The following ADAMTSL1 variants were observed in gnomAD, a reference collection of about 807,000 sequenced individuals.
ADAMTSL1 encodes ADAMTS like 1, also known as ADAMTS-like protein 1.
ADAMTSL1 carries 126 observed loss-of-function variants against 201.8 expected under a neutral mutation model. The observed-to-expected ratio is 0.62, with a 90% confidence interval of 0.54 to 0.72. The LOEUF (loss-of-function observed/expected upper bound fraction) is 0.72. Among genes scored for constraint, ADAMTSL1 ranks in the 30% least tolerant of loss-of-function variants. ADAMTSL1 has a pLI of 0.00. For synonymous variants in ADAMTSL1, 1,121 were observed against 903.4 expected (o/e 1.24, Z -4.32); for missense variants, 2,679 against 2,277.8 (o/e 1.18, Z -3.59).
chr9:18,076,257 G>T (rs1392679644), intron 1 of ADAMTSL1, among the ~76,000 whole-genome samples: 1 of 152,146 alleles, frequency 6.6e-6, no homozygotes. Flanking sequence ...TGAAATTTAG[G>T]TCATTACCAT....
intron 7 of ADAMTSL1, among the ~76,000 whole-genome samples, chr9:18,652,782 TTGAGGAGC>T (rs1828378698): frequency 6.6e-6 from 1 of 152,182 alleles, no homozygotes; most frequent in Non-Finnish European, 1.5e-5. Context: ...CCATTGTAAG[TTGAGGAGC>T]ATCTGTAACC....
intron 7 of ADAMTSL1, among the ~76,000 whole-genome samples, chr9:18,652,031 A>G (rs1445399512): frequency 2.0e-5 from 3 of 152,252 alleles, no homozygotes; most frequent in East Asian, 3.9e-4. Flanking sequence ...AAGACTAGAT[A>G]GACAGTTTTG....
intron 5 of ADAMTSL1, among the ~76,000 whole-genome samples, chr9:18,633,829 A>G (rs1471469190): frequency 6.6e-6 from 1 of 152,144 alleles, no homozygotes; most frequent in Non-Finnish European, 1.5e-5. Flanking sequence ...TCTCCAGGGA[A>G]GGAATTGGGA....
chr9:18,635,890 A>G lies in ADAMTSL1; in HGVS notation c.602-53A>G, dbSNP rs1827079693. The G allele has an allele frequency of 2.7e-6, 4 of 1,503,514 alleles. No individual in the cohort carries two copies. In the African/African-American group the frequency reaches 4.2e-5, roughly 16 times the overall value. The allele number at this position is 1,503,514 out of a possible 1,614,324, so 93.1% of individuals were successfully genotyped here. ...AGTGCCTTTATTTAGAAGGCAATCAATAATTTTGTGTCAAGTGACATGCTT... is the reference window on the plus strand; with the variant it reads ...AGTGCCTTTATTTAGAAGGCAATCAGTAATTTTGTGTCAAGTGACATGCTT... On this transcript the variant is annotated intron_variant, in intron 5 of 28. Transcript: ENST00000380548.
intron 14 of ADAMTSL1, among the ~76,000 whole-genome samples, chr9:18,714,712 A>G (rs1832812180): frequency 6.6e-6 from 1 of 151,914 alleles, no homozygotes; most frequent in Non-Finnish European, 1.5e-5. Context: ...TATTCCAATC[A>G]ATAGAAAAAG....
chr9:18,448,786 C>T (rs1448310619), intron 2 of ADAMTSL1, among the ~76,000 whole-genome samples: 1 of 152,002 alleles, frequency 6.6e-6, no homozygotes, highest in African/African-American at 2.4e-5. Context: ...AAAAGTATGG[C>T]TGCCCAGGTA....
intron 1 of ADAMTSL1, among the ~76,000 whole-genome samples, chr9:18,146,087 T>A (rs980960002): frequency 2.6e-5 from 4 of 152,168 alleles, no homozygotes; most frequent in African/African-American, 9.6e-5. Flanking sequence ...TATTAATTGT[T>A]GAGAAGGATA....
chr9:18,187,724 A>G (rs1828800375), intron 2 of ADAMTSL1, among the ~76,000 whole-genome samples: 1 of 152,124 alleles, frequency 6.6e-6, no homozygotes, highest in Admixed American at 6.6e-5. Flanking sequence ...TACAATAAAT[A>G]TGTAATAAGA....
intron 1 of ADAMTSL1, among the ~76,000 whole-genome samples, chr9:18,071,772 G>A (rs749413844): frequency 3.0e-4 from 45 of 152,290 alleles, no homozygotes; most frequent in Non-Finnish European, 5.3e-4. Context: ...GAGTACAGCC[G>A]GTGAATTATT....
At chr9:17,914,697 A>T (rs1016921217) in intron 1 of ADAMTSL1, among the ~76,000 whole-genome samples, 5 of 151,836 alleles carry the variant, frequency 3.3e-5, no homozygotes, top group African/African-American at 9.7e-5. Context: ...GAAGGAAATA[A>T]ACGGTATTCA....
At chr9:18,568,077 C>T (rs1367367703) in intron 3 of ADAMTSL1, among the ~76,000 whole-genome samples, 5 of 152,126 alleles carry the variant, frequency 3.3e-5, no homozygotes, top group African/African-American at 1.2e-4. Flanking sequence ...TGTTCTCAAA[C>T]TGTGGGTGAC....
intron 2 of ADAMTSL1, among the ~76,000 whole-genome samples, chr9:18,316,923 C>T (rs1004440007): frequency 6.6e-6 from 1 of 152,178 alleles, no homozygotes; most frequent in African/African-American, 2.4e-5. Flanking sequence ...GGGATATCTA[C>T]ACCTCCATAT....
intron 2 of ADAMTSL1, among the ~76,000 whole-genome samples, chr9:18,364,530 C>A (rs1488179813): frequency 6.6e-6 from 1 of 152,108 alleles, no homozygotes; most frequent in Admixed American, 6.6e-5. Context: ...ACTCACTAAA[C>A]CTGTGGAAGC....
intron 2 of ADAMTSL1, among the ~76,000 whole-genome samples, chr9:18,292,737 C>G (rs1833323493): frequency 6.6e-6 from 1 of 152,172 alleles, no homozygotes; most frequent in Admixed American, 6.5e-5. Context: ...CAATGGTTTG[C>G]CAGGGTCTCT....
At chr9:18,179,946 A>C (rs1028646650) in intron 2 of ADAMTSL1, among the ~76,000 whole-genome samples, 2 of 152,142 alleles carry the variant, frequency 1.3e-5, no homozygotes, top group African/African-American at 2.4e-5. Context: ...GACCATCGAG[A>C]CTAGGAAGAA....
intron 23 of ADAMTSL1, among the ~76,000 whole-genome samples, chr9:18,852,378 C>T (rs1369205138): frequency 6.6e-6 from 1 of 152,180 alleles, no homozygotes; most frequent in Non-Finnish European, 1.5e-5. Flanking sequence ...CAGTTAACAT[C>T]AGTCATTCTT....
Position 18,474,375 on chromosome 9 carries a change from T to G in ADAMTSL1, c.63+80T>G, listed in dbSNP as rs534479187. 1.1e-5 allele frequency: 15 copies of G among 1,340,834 alleles called. No homozygotes were observed. In the East Asian group the frequency reaches 2.6e-4, roughly 23 times the overall value. The allele number at this position is 1,340,834 out of a possible 1,614,324, so 83.1% of individuals were successfully genotyped here. A position where few individuals can be genotyped will look rare whatever the true frequency, so the allele number is the denominator to read the frequency against. The stretch of plus-strand genomic sequence containing the variant: ...TGGGGGTGTGTGTGTGTATGTGTGT[T>G]TGTGTGTGTGTGTGTGTCTTTATCT... On this transcript the variant is annotated intron_variant, in intron 1 of 28. Transcript: ENST00000380548.
At chr9:18,213,742 AT>A (rs1172768661) in intron 2 of ADAMTSL1, among the ~76,000 whole-genome samples, 1 of 151,348 alleles carries the variant, frequency 6.6e-6, no homozygotes, top group Non-Finnish European at 1.5e-5. Context: ...AGTCCAAATA[AT>A]TTTTTTTTGT....
chr9:18,290,509 G>A (rs1833209070), intron 2 of ADAMTSL1, among the ~76,000 whole-genome samples: 2 of 152,052 alleles, frequency 1.3e-5, no homozygotes, highest in Non-Finnish European at 2.9e-5. Context: ...CATGGTAGAG[G>A]CTTGGGATAG....
Sources: allele counts gnomAD v4.1 joint callset (sites outside exome capture counted in the v4.1 genomes callset), GRCh38; gene constraint gnomAD v4.1.1; transcripts MANE v1.5; gene names NCBI Gene and HGNC (gene_info 2026-07-23, HGNC 2026-07-21).